Variants in ATP5F1C observed in about 807,000 individuals in gnomAD.
The protein encoded by ATP5F1C is ATP synthase F1 subunit gamma.
In ATP5F1C, 22 loss-of-function variants were observed where a neutral mutation model predicts 37.4. The ratio of observed to expected loss-of-function variants is 0.59; its 90% CI spans 0.42 to 0.84. The LOEUF (loss-of-function observed/expected upper bound fraction) is 0.84, where lower values mean the gene tolerates loss of function less well. Among genes scored for constraint, ATP5F1C ranks in the 40% least tolerant of loss-of-function variants. The probability of loss-of-function intolerance (pLI) is 0.00; values close to 1 mark genes in which losing one functional copy is unlikely to be tolerated. For synonymous variants in ATP5F1C, 121 were observed against 128.0 expected (o/e 0.95, Z 0.37); for missense variants, 286 against 362.4 (o/e 0.79, Z 1.71).
intron 8 of ATP5F1C, among the ~76,000 whole-genome samples, chr10:7,804,652 G>A (rs1300503235): frequency 1.3e-5 from 2 of 152,212 alleles, no homozygotes; most frequent in Admixed American, 1.3e-4. Flanking sequence ...CCTTGTATGA[G>A]GAATTGGCTT....
At chr10:7,800,465 GATT>G (rs1356266058) in intron 6 of ATP5F1C, among the ~76,000 whole-genome samples, 2 of 151,746 alleles carry the variant, frequency 1.3e-5, no homozygotes, top group Non-Finnish European at 2.9e-5. Context: ...AAAGTGCTGG[GATT>G]ACAGGCATGA....
At chr10:7,788,302 GA>G (rs1836086793) in intron 1 of ATP5F1C, 39 bp downstream of exon 1, 1 of 1,608,048 alleles carries the variant, frequency 6.2e-7, no homozygotes, top group African/African-American at 1.3e-5. Flanking sequence ...GACCGCAAGG[GA>G]TGGAAGAGCT....
At chr10:7,796,369 A>C in intron 2 of ATP5F1C, 1 of 403,628 alleles carries the variant, frequency 2.5e-6, no homozygotes. Context: ...TTGTAGAATG[A>C]TCATGATATA....
intron 8 of ATP5F1C, among the ~76,000 whole-genome samples, chr10:7,803,071 G>A (rs369369422): frequency 1.3e-5 from 2 of 152,000 alleles, no homozygotes; most frequent in African/African-American, 2.4e-5. Flanking sequence ...CTTAGTTTTC[G>A]GTTTTCTAAA....
chr10:7,800,116 ATT>A, intron 6 of ATP5F1C, 25 bp downstream of exon 6: 1 of 1,603,050 alleles, frequency 6.2e-7, no homozygotes, highest in Non-Finnish European at 8.5e-7. Context: ...TATGATACAT[ATT>A]TTTTGGCATA....
chr10:7,801,458 T>C (rs1250194739), intron 6 of ATP5F1C: 4 of 152,236 alleles, frequency 2.6e-5, no homozygotes, highest in Non-Finnish European at 5.9e-5. Context: ...TACCAATTTC[T>C]AGTTCTCCCA....
Position 7,802,739 on chromosome 10 carries a change from G to A in ATP5F1C, c.794-19G>A. On this transcript the variant is annotated intron_variant, in intron 7 of 9. Coordinates refer to ENST00000356708, the MANE Select transcript of ATP5F1C (RefSeq NM_001001973.3). ...TCTAGTTTCAGATTTTTTATGTAGTGTTTTTGTTTTGTTTGTAGCTGAGAT... is the reference window on the plus strand; with the variant it reads ...TCTAGTTTCAGATTTTTTATGTAGTATTTTTGTTTTGTTTGTAGCTGAGAT... The A allele has an allele frequency of 1.9e-6, 3 of 1,605,814 alleles. No homozygotes were observed. Among genetic ancestry groups the A allele is most frequent in the Non-Finnish European group, 8.5e-7 (1 of 1,175,700 alleles).
intron 8 of ATP5F1C, among the ~76,000 whole-genome samples, chr10:7,806,381 G>A (rs1464122973): frequency 2.6e-5 from 4 of 152,326 alleles, no homozygotes; most frequent in South Asian, 2.1e-4. Context: ...ATGGCCAGGC[G>A]CAGTGGCTCA....
chr10:7,801,799 C>T (rs997677749), intron 6 of ATP5F1C, among the ~76,000 whole-genome samples: 5 of 152,212 alleles, frequency 3.3e-5, no homozygotes, highest in Non-Finnish European at 7.3e-5. Flanking sequence ...TGTGGCATCA[C>T]GTCAGTGCTC....
intron 8 of ATP5F1C, among the ~76,000 whole-genome samples, chr10:7,805,746 C>CAAAAAAAAAA (rs547312025): frequency 1.1e-5 from 1 of 89,888 alleles, no homozygotes; most frequent in Non-Finnish European, 2.2e-5. Context: ...GACTCCTTCT[C>CAAAAAAAAAA]AAAAAAAAAA....
Position 7,799,902 on chromosome 10 carries a change from T to A in ATP5F1C, c.559T>A (p.Phe187Ile), listed in dbSNP as rs1054907289. 6.8e-6 allele frequency: 11 copies of A among 1,613,594 alleles called. No individual in the cohort carries two copies. Among genetic ancestry groups the A allele is most frequent in the Non-Finnish European group, 9.3e-6 (11 of 1,179,786 alleles). ...GYEFDEGSII[F>I]NKFRSVISYK... ...TGAATTTGATGAAGGCTCCATCATC[T>A]TTAATAAATTCAGGCAAGACAGATT... The change falls in exon 5 of 10, where the codon TTT (phenylalanine) becomes ATT (isoleucine). Residue 187 changes from phenylalanine to isoleucine, a missense_variant. By Grantham distance (21) the Phe-to-Ile change is conservative. Coordinates refer to ENST00000356708, the MANE Select transcript of ATP5F1C (RefSeq NM_001001973.3).
chr10:7,800,155 GCAGA>G (rs2131069594), intron 6 of ATP5F1C, 64 bp downstream of exon 6: 1 of 1,459,182 alleles, frequency 6.9e-7, no homozygotes, highest in Non-Finnish European at 9.6e-7. Flanking sequence ...GTACACTAAG[GCAGA>G]CAGTGTCAAG....
intron 8 of ATP5F1C, among the ~76,000 whole-genome samples, chr10:7,806,370 T>C (rs927723634): frequency 6.6e-6 from 1 of 152,140 alleles, no homozygotes; most frequent in African/African-American, 2.4e-5. Context: ...AAAAACTAAA[T>C]ATGGCCAGGC....
chr10:7,788,237 G>C lies in ATP5F1C; in HGVS notation c.30G>C (p.Leu10=). 1.2e-6 allele frequency: 2 copies of C among 1,613,604 alleles called. No homozygotes were observed. The highest frequency in any genetic ancestry group is 1.7e-6 in the Non-Finnish European group (2 of 1,179,926). The change falls in exon 1 of 10, where the codon CTG becomes CTC. Residue 10 remains leucine (L), a synonymous_variant. Coordinates refer to ENST00000356708, the MANE Select transcript of ATP5F1C (RefSeq NM_001001973.3). ...TCTCTCGCGCGGGTGTCGCTGGGCT[G>C]TCGGCCTGGACCTTGCAGCCGCAAT... The part of the protein sequence containing the change: MFSRAGVAG[L]SAWTLQPQWI...
chr10:7,797,176 T>C lies in ATP5F1C; in HGVS notation c.221T>C (p.Leu74Ser), dbSNP rs774601572. 2.7e-5 allele frequency: 43 copies of C among 1,613,694 alleles called. 1 individual carries two copies. The Middle Eastern group carries it at 1.3e-3, about 50-fold the overall frequency. The change falls in exon 3 of 10, where the codon TTA becomes TCA. Residue 74 changes from leucine to serine, a missense_variant and splice_region_variant. Leu to Ser is a moderately radical substitution (Grantham distance 145). Coordinates refer to ENST00000356708, the MANE Select transcript of ATP5F1C (RefSeq NM_001001973.3). ...GCTCGAATATATGGATTGGGATCTT[T>C]AGGTAAGGGAAGAGTGTAATTCACA... is the stretch of plus-strand genomic sequence containing the variant. ...KPARIYGLGSLALYEKADIKG... is the reference protein window; with the variant it reads ...KPARIYGLGSSALYEKADIKG...
chr10:7,789,966 A>G (rs577863520), intron 1 of ATP5F1C, among the ~76,000 whole-genome samples: 1 of 152,228 alleles, frequency 6.6e-6, no homozygotes, highest in Admixed American at 6.5e-5. Flanking sequence ...CCTGACCTTA[A>G]TCCCTTTGGA....
chr10:7,807,683 T>C lies in ATP5F1C; in HGVS notation c.*55T>C. 1.2e-6 allele frequency: 2 copies of C among 1,608,144 alleles called. No homozygotes were observed. The highest frequency in any genetic ancestry group is 1.7e-6 in the Non-Finnish European group (2 of 1,176,750). On this transcript the variant is annotated 3_prime_UTR_variant, in exon 10 of 10. Coordinates refer to ENST00000356708, the MANE Select transcript of ATP5F1C (RefSeq NM_001001973.3). ...GGTAAAGAAGGAAAATTCAGCCAGT[T>C]GATTTTGTTTTTAGCTTACTGCTGC...
chr10:7,799,754 C>T lies in ATP5F1C; in HGVS notation c.429-18C>T. 6.2e-7 allele frequency: 1 copy of T among 1,610,302 alleles called. No homozygotes were observed. Among genetic ancestry groups the T allele is most frequent in the Non-Finnish European group, 8.5e-7 (1 of 1,178,820 alleles). On this transcript the variant is annotated intron_variant, in intron 4 of 9. Coordinates refer to ENST00000356708, the MANE Select transcript of ATP5F1C (RefSeq NM_001001973.3). ...AATCTTATTAAACTAGCTATGTGAG[C>T]TCTTGCTTTTCTTATAGGACTCATT...
At chr10:7,792,531 C>T (rs1836178970) in intron 1 of ATP5F1C, among the ~76,000 whole-genome samples, 1 of 152,210 alleles carries the variant, frequency 6.6e-6, no homozygotes, top group African/African-American at 2.4e-5. Flanking sequence ...TCCCCAAAAC[C>T]CTGACAACCA....
Sources: allele counts gnomAD v4.1 joint callset (sites outside exome capture counted in the v4.1 genomes callset), GRCh38; gene constraint gnomAD v4.1.1; transcripts MANE v1.5; gene names NCBI Gene and HGNC (gene_info 2026-07-23, HGNC 2026-07-21).